OPHN1: variants seen among roughly 807,000 people sequenced by gnomAD.
The protein encoded by OPHN1 is oligophrenin-1.
OPHN1 carries 11 observed loss-of-function variants against 60.7 expected under a neutral mutation model. The observed-to-expected ratio is 0.18, with a 90% CI of 0.11 to 0.30. The LOEUF (loss-of-function observed/expected upper bound fraction) is 0.30, where lower values mean the gene tolerates loss of function less well. OPHN1 is among the 10% of genes least tolerant of loss of function. OPHN1 has a pLI of 1.00. For synonymous variants in OPHN1, 226 were observed against 222.6 expected (o/e 1.02, Z -0.14); for missense variants, 449 against 611.0 (o/e 0.73, Z 2.80).
intron 2 of OPHN1, among the ~76,000 whole-genome samples, chrX:68,382,749 T>C (rs969527705): frequency 1.8e-5 from 2 of 111,829 alleles, no homozygotes; most frequent in Admixed American, 1.9e-4. Flanking sequence ...TGAGACACTA[T>C]AAATAGGTGA....
At chrX:68,271,845 G>A (rs2077970660) in intron 5 of OPHN1, among the ~76,000 whole-genome samples, 1 of 110,352 alleles carries the variant, frequency 9.1e-6, no homozygotes, top group African/African-American at 3.3e-5. Flanking sequence ...ATGTGGGGTA[G>A]GGGGTCTACA....
intron 2 of OPHN1, among the ~76,000 whole-genome samples, chrX:68,317,498 AGAGGGAGGGAAAG>A (rs1229473721): frequency 2.3e-5 from 2 of 87,378 alleles, no homozygotes; most frequent in African/African-American, 9.0e-5. Context: ...AGGGAGGGAG[AGAGGGAGGGAAAG>A]AGAGAGAGAA....
intron 2 of OPHN1, among the ~76,000 whole-genome samples, chrX:68,348,170 A>C (rs1000163888): frequency 8.9e-5 from 10 of 112,253 alleles, no homozygotes; most frequent in African/African-American, 2.6e-4. Context: ...TCCATATTTA[A>C]TTTCCATCAG....
intron 8 of OPHN1, 73 bp from the exon 9 acceptor site, chrX:68,210,355 C>T (rs965270563): frequency 9.3e-7 from 1 of 1,075,334 alleles, no homozygotes; most frequent in African/African-American, 1.8e-5. Flanking sequence ...TGGTCAGAGA[C>T]TCAGTACAAA....
At chrX:68,120,781 G>A (rs1200040470) in intron 15 of OPHN1, among the ~76,000 whole-genome samples, 1 of 112,055 alleles carries the variant, frequency 8.9e-6, no homozygotes, top group Admixed American at 9.5e-5. Context: ...GCATGGTACT[G>A]GCATAAAAAC....
rs943858056 is a variant in OPHN1, at chrX:68,136,370, C to T, written c.1277-17038G>A. ...CCAGGCTGGAGTGCAGTGGCGTGATCTCGGCTCACTGCAAGCTCCGCCTCC... is the reference window on the plus strand; with the variant it reads ...CCAGGCTGGAGTGCAGTGGCGTGATTTCGGCTCACTGCAAGCTCCGCCTCC... On this transcript the variant is annotated intron_variant, in intron 15 of 24. Transcript: ENST00000355520. Among the ~76,000 whole-genome samples, 188 of 93,760 alleles carry T rather than the reference C, an allele frequency of 2.0e-3. 1 individual carries two copies. Among genetic ancestry groups the T allele is most frequent in the African/African-American group, 7.9e-3 (177 of 22,490 alleles). The allele number at this position is 93,760 out of a possible 115,157, so 81.4% of individuals were successfully genotyped here.
intron 15 of OPHN1, among the ~76,000 whole-genome samples, chrX:68,130,577 A>G (rs1290086196): frequency 9.0e-6 from 1 of 111,564 alleles, no homozygotes; most frequent in African/African-American, 3.3e-5. Context: ...AGTATTTTTA[A>G]CCATATGGAA....
chrX:68,197,332 AG>A, intron 11 of OPHN1, 68 bp from the exon 12 acceptor site: 2 of 828,299 alleles, frequency 2.4e-6, no homozygotes, highest in South Asian at 4.2e-5. Flanking sequence ...CTTGTGATCT[AG>A]GGTCCCTCTC....
chrX:68,075,764 T>C (rs1355352800), intron 19 of OPHN1, among the ~76,000 whole-genome samples: 1 of 77,276 alleles, frequency 1.3e-5, no homozygotes, highest in Non-Finnish European at 2.4e-5. Flanking sequence ...ACTGGAACAA[T>C]GTGATATACA....
At chrX:68,120,188 G>T (rs773761571) in intron 15 of OPHN1, among the ~76,000 whole-genome samples, 1 of 110,930 alleles carries the variant, frequency 9.0e-6, no homozygotes, top group Admixed American at 9.7e-5. Context: ...CCTTACCACC[G>T]TATCAACTGG....
At chrX:68,214,174 T>G (rs1408025569) in intron 6 of OPHN1, among the ~76,000 whole-genome samples, 1 of 111,875 alleles carries the variant, frequency 8.9e-6, no homozygotes, top group African/African-American at 3.2e-5. Context: ...GTCCAACACA[T>G]AAAAAGCTTG....
At chrX:68,266,803 C>T (rs2077931347) in intron 5 of OPHN1, among the ~76,000 whole-genome samples, 1 of 111,050 alleles carries the variant, frequency 9.0e-6, no homozygotes, top group South Asian at 3.8e-4. Context: ...CAGAGACACA[C>T]ATAGGCTCAA....
chrX:68,111,409 C>A (rs1332508981), intron 18 of OPHN1, among the ~76,000 whole-genome samples: 3 of 112,303 alleles, frequency 2.7e-5, no homozygotes, highest in Non-Finnish European at 5.6e-5. Flanking sequence ...AAGAAGTTGA[C>A]CAGAATCTTA....
Position 68,063,855 on chromosome X carries a change from C to T in OPHN1, c.2157G>A (p.Glu719=). The change falls in exon 21 of 25, where the codon GAG becomes GAA. Residue 719 remains glutamate (E), a splice_region_variant and synonymous_variant. Coordinates refer to ENST00000355520, the MANE Select transcript of OPHN1 (RefSeq NM_002547.3). ...PAPRPLAHHK[E]GDADSFSKVR... is the part of the protein sequence containing the mutation. ...CCCATGGGATTCCCAAGCACTTACC[C>T]TCCTTGTGGTGGGCCAGGGGCCGGG... The T allele has an allele frequency of 8.6e-7, 1 of 1,160,704 alleles. No individual in the cohort carries two copies. Among genetic ancestry groups the T allele is most frequent in the African/African-American group, 1.8e-5 (1 of 56,298 alleles).
intron 15 of OPHN1, among the ~76,000 whole-genome samples, chrX:68,184,596 G>C (rs1384174222): frequency 9.1e-6 from 1 of 110,472 alleles, no homozygotes; most frequent in African/African-American, 3.3e-5. Flanking sequence ...TTTTTGTTTT[G>C]ATTTGTTTTG....
At chrX:68,315,503 TA>T (rs1413176942) in intron 2 of OPHN1, among the ~76,000 whole-genome samples, 1 of 111,702 alleles carries the variant, frequency 9.0e-6, no homozygotes, top group Non-Finnish European at 1.9e-5. Context: ...CATACTCAAT[TA>T]TTAAAGTCTA....
chrX:68,128,827 T>C (rs2077182347), intron 15 of OPHN1, among the ~76,000 whole-genome samples: 1 of 112,168 alleles, frequency 8.9e-6, no homozygotes, highest in African/African-American at 3.2e-5. Context: ...AAAATGATTA[T>C]GTGGCATGGT....
At chrX:68,215,109 C>T (rs1424633108) in intron 6 of OPHN1, among the ~76,000 whole-genome samples, 1 of 111,509 alleles carries the variant, frequency 9.0e-6, no homozygotes, top group African/African-American at 3.3e-5. Flanking sequence ...GTAATAGTAG[C>T]AGGCAGATGA....
chrX:68,369,638 TAGAG>T (rs755478887), intron 2 of OPHN1, among the ~76,000 whole-genome samples: 22 of 109,616 alleles, frequency 2.0e-4, no homozygotes, highest in Admixed American at 1.1e-3. Context: ...ATCACTAAGA[TAGAG>T]AAATTAAAGA....
Sources: allele counts gnomAD v4.1 joint callset (sites outside exome capture counted in the v4.1 genomes callset), GRCh38; gene constraint gnomAD v4.1.1; transcripts MANE v1.5; gene names NCBI Gene and HGNC (gene_info 2026-07-23, HGNC 2026-07-21).